Variants in CNTN4 observed in about 807,000 individuals in gnomAD.
The protein encoded by CNTN4 is contactin 4, also known as contactin-4.
Under a neutral mutation model 122.5 loss-of-function variants are expected in CNTN4, and 77 were observed. The observed-to-expected ratio is 0.63, with a 90% CI of 0.52 to 0.76. CNTN4 has a LOEUF of 0.76. Ranked by LOEUF, CNTN4 falls within the 30% of genes least tolerant of loss-of-function variation. The pLI is 0.00. For synonymous variants in CNTN4, 512 were observed against 447.0 expected (o/e 1.15, Z -1.83); for missense variants, 1,256 against 1,259.1 (o/e 1.00, Z 0.04).
chr3:2,843,876 T>C (rs1242714317), intron 7 of CNTN4, among the ~76,000 whole-genome samples: 1 of 152,222 alleles, frequency 6.6e-6, no homozygotes, highest in Admixed American at 6.5e-5. Flanking sequence ...ACAGTGACTC[T>C]TTTAAGTGTA....
chr3:2,489,634 T>TA (rs2076258310), intron 3 of CNTN4, among the ~76,000 whole-genome samples: 1 of 152,214 alleles, frequency 6.6e-6, no homozygotes, highest in South Asian at 2.1e-4. Flanking sequence ...CACTCCAAAA[T>TA]AATGCTAGTC....
intron 6 of CNTN4, among the ~76,000 whole-genome samples, chr3:2,779,326 G>T (rs1185121330): frequency 6.6e-6 from 1 of 152,044 alleles, no homozygotes; most frequent in Non-Finnish European, 1.5e-5. Flanking sequence ...GAGTGCAATG[G>T]TGCGATCTCG....
At chr3:2,420,987 G>A (rs981469519) in intron 3 of CNTN4, among the ~76,000 whole-genome samples, 2 of 152,096 alleles carry the variant, frequency 1.3e-5, no homozygotes, top group African/African-American at 2.4e-5. Context: ...AATGATCCCA[G>A]TGTTTGCCCT....
At chr3:2,591,660 G>T (rs879196814) in intron 4 of CNTN4, among the ~76,000 whole-genome samples, 1 of 51,610 alleles carries the variant, frequency 1.9e-5, no homozygotes, top group Non-Finnish European at 4.9e-5. Context: ...CACCGCGCCC[G>T]GCCGATTTGT....
chr3:2,129,092 C>G (rs2034320202), intron 2 of CNTN4, among the ~76,000 whole-genome samples: 1 of 151,930 alleles, frequency 6.6e-6, no homozygotes, highest in African/African-American at 2.4e-5. Context: ...ACGTTAAAGG[C>G]CAAATCAACT....
At position 2,486,100 on chromosome 3, in the gene CNTN4, G is replaced by C. The variant is rs951987645; in HGVS notation, c.-88-85316G>C. On this transcript the variant is annotated intron_variant, in intron 3 of 24. Transcript: ENST00000418658. Reference sequence around the variant, plus strand: ...TCTCTCCTGAGGCCAGCCAGACCACGAACCCACTGGGAGGAACAACAACTC... The same window carrying C: ...TCTCTCCTGAGGCCAGCCAGACCACCAACCCACTGGGAGGAACAACAACTC... Among the ~76,000 whole-genome samples, 4 of 152,198 alleles carry C rather than the reference G, an allele frequency of 2.6e-5. No individual in the cohort carries two copies. The South Asian group carries it at 8.3e-4, about 32-fold the overall frequency.
At chr3:2,216,441 T>A (rs965295795) in intron 2 of CNTN4, among the ~76,000 whole-genome samples, 1 of 152,124 alleles carries the variant, frequency 6.6e-6, no homozygotes, top group African/African-American at 2.4e-5. Context: ...GGTACTGGGC[T>A]TAATTCCTGG....
intron 4 of CNTN4, among the ~76,000 whole-genome samples, chr3:2,728,824 A>G (rs1219499498): frequency 6.6e-6 from 1 of 152,166 alleles, no homozygotes; most frequent in East Asian, 1.9e-4. Flanking sequence ...TTACTTCCCA[A>G]GTGAAAATTG....
intron 6 of CNTN4, among the ~76,000 whole-genome samples, chr3:2,768,314 A>G (rs900996132): frequency 6.6e-6 from 1 of 152,236 alleles, no homozygotes; most frequent in Non-Finnish European, 1.5e-5. Context: ...TTAAGCAGGA[A>G]ATCTTATCTT....
chr3:2,267,109 G>A (rs1420831808), intron 2 of CNTN4, among the ~76,000 whole-genome samples: 1 of 152,078 alleles, frequency 6.6e-6, no homozygotes, highest in African/African-American at 2.4e-5. Context: ...AACCTTTCCT[G>A]TGTCGGAAAG....
intron 2 of CNTN4, among the ~76,000 whole-genome samples, chr3:2,252,729 CT>C (rs2040425304): frequency 6.6e-6 from 1 of 152,004 alleles, no homozygotes; most frequent in Admixed American, 6.6e-5. Flanking sequence ...TTAAGTACAT[CT>C]TGGCTTGATG....
chr3:2,436,504 G>T (rs2048262813), intron 3 of CNTN4, among the ~76,000 whole-genome samples: 1 of 152,088 alleles, frequency 6.6e-6, no homozygotes, highest in Non-Finnish European at 1.5e-5. Context: ...TTTCTCTTAG[G>T]TGTTTTTTAA....
chr3:2,911,736 G>A (rs776462076), intron 12 of CNTN4, among the ~76,000 whole-genome samples: 2 of 152,024 alleles, frequency 1.3e-5, no homozygotes, highest in Non-Finnish European at 2.9e-5. Context: ...GATAAAAGAT[G>A]AAAATGAGCC....
intron 3 of CNTN4, among the ~76,000 whole-genome samples, chr3:2,474,632 C>T (rs1182697585): frequency 1.3e-5 from 2 of 152,248 alleles, no homozygotes. Flanking sequence ...ATAAGGCAGT[C>T]TCACACCCTA....
chr3:2,642,041 T>C (rs2082915715), intron 4 of CNTN4, among the ~76,000 whole-genome samples: 3 of 152,172 alleles, frequency 2.0e-5, no homozygotes, highest in Non-Finnish European at 4.4e-5. Flanking sequence ...AATGAGAGTT[T>C]ATTAAGGAGC....
intron 13 of CNTN4, among the ~76,000 whole-genome samples, chr3:2,950,113 G>A (rs1484317620): frequency 1.3e-5 from 2 of 152,192 alleles, no homozygotes; most frequent in East Asian, 1.9e-4. Flanking sequence ...TGGAGTTGTC[G>A]AACATGTGGA....
At chr3:2,805,228 G>A (rs900901299) in intron 6 of CNTN4, among the ~76,000 whole-genome samples, 1 of 151,876 alleles carries the variant, frequency 6.6e-6, no homozygotes, top group South Asian at 2.1e-4. Context: ...GATCACTGTT[G>A]CTTCATCTAC....
Position 2,745,535 on chromosome 3 carries a change from G to A in CNTN4, c.196G>A (p.Gly66Arg), listed in dbSNP as rs1445392566. 8.1e-6 allele frequency: 13 copies of A among 1,613,820 alleles called. No individual in the cohort carries two copies. Among genetic ancestry groups the A allele is most frequent in the Non-Finnish European group, 1.1e-5 (13 of 1,179,842 alleles). Reference sequence around the variant, plus strand: ...TTTATACTATAGGTGGAAGTTAAATGGAACAGATGTTGACACTGGTATGGA... The same window carrying A: ...TTTATACTATAGGTGGAAGTTAAATAGAACAGATGTTGACACTGGTATGGA... ...PKPHIRWKLNGTDVDTGMDFR... is the reference protein window; with the variant it reads ...PKPHIRWKLNRTDVDTGMDFR... The change falls in exon 6 of 25, where the codon GGA becomes AGA. Residue 66 changes from glycine to arginine, a missense_variant. By Grantham distance (125) the Gly-to-Arg change is moderately radical. Transcript: ENST00000418658.
At chr3:2,140,107 G>T (rs2034921785) in intron 2 of CNTN4, among the ~76,000 whole-genome samples, 1 of 152,160 alleles carries the variant, frequency 6.6e-6, no homozygotes, top group African/African-American at 2.4e-5. Context: ...ATGTGCCTTT[G>T]CTTCTCCTTT....
Sources: gnomAD v4.1 joint callset for allele counts (sites outside exome capture counted in the v4.1 genomes callset) on GRCh38, gnomAD v4.1.1 for gene constraint, MANE v1.5 for transcripts, NCBI Gene and HGNC (gene_info 2026-07-23, HGNC 2026-07-21) for gene names.